The following MARCHF2 variants were observed in gnomAD, a reference collection of about 807,000 sequenced individuals.
MARCHF2 encodes the protein E3 ubiquitin-protein ligase MARCHF2.
MARCHF2 carries 22 observed loss-of-function variants against 24.0 expected under a neutral mutation model. The observed-to-expected ratio is 0.92, with a 90% CI of 0.66 to 1.31. MARCHF2 has a LOEUF of 1.31. MARCHF2 is among the 50% of genes most tolerant of loss of function. The pLI is 0.00. For synonymous variants in MARCHF2, 154 were observed against 153.0 expected (o/e 1.01, Z -0.05); for missense variants, 301 against 335.3 (o/e 0.90, Z 0.80).
At position 8,438,514 on chromosome 19, in the gene MARCHF2, C is replaced by T. The variant is rs779194684; in HGVS notation, c.709C>T (p.Leu237=). The T allele has an allele frequency of 5.1e-5, 82 of 1,613,994 alleles. No individual in the cohort carries two copies. In the Admixed American group the frequency reaches 1.4e-3, roughly 27 times the overall value. ...GCATTCTCCACTGGCAGCTGGACTC[C>T]TGAAGAAGGTGGCAGAGGAGACACC... ...PQHSPLAAGL[L]KKVAEETPV The change falls in exon 5 of 5, where the codon CTG becomes TTG. Residue 237 remains leucine (L), a synonymous_variant. Coordinates refer to ENST00000215555, the MANE Select transcript of MARCHF2 (RefSeq NM_001005415.2).
chr19:8,421,438 AG>A (rs1967240031), intron 1 of MARCHF2, among the ~76,000 whole-genome samples: 1 of 123,158 alleles, frequency 8.1e-6, no homozygotes, highest in South Asian at 2.5e-4. Flanking sequence ...CATGTTGGCC[AG>A]GATGGTCTTG....
intron 1 of MARCHF2, chr19:8,413,747 A>G (rs1967010111): frequency 6.6e-6 from 1 of 152,218 alleles, no homozygotes; most frequent in African/African-American, 2.4e-5. Flanking sequence ...CTAAGTGGCC[A>G]ATGCCCTTCC....
intron 4 of MARCHF2, among the ~76,000 whole-genome samples, chr19:8,437,278 C>T (rs2145575428): frequency 6.6e-6 from 1 of 151,818 alleles, no homozygotes; most frequent in Middle Eastern, 3.4e-3. Flanking sequence ...CCTTACCCAG[C>T]TTCGTTTCTT....
At chr19:8,424,016 A>C (rs1243291998) in intron 2 of MARCHF2, among the ~76,000 whole-genome samples, 3 of 151,824 alleles carry the variant, frequency 2.0e-5, no homozygotes, top group African/African-American at 7.3e-5. Context: ...AAGAAAAAAA[A>C]ATACAGTCTC....
At chr19:8,414,557 C>T (rs1444186713) in intron 1 of MARCHF2, among the ~76,000 whole-genome samples, 2 of 152,166 alleles carry the variant, frequency 1.3e-5, no homozygotes, top group African/African-American at 4.8e-5. Flanking sequence ...GGATTACAGG[C>T]GTGAGCCACT....
rs1207011080 is a variant in MARCHF2, at chr19:8,415,636, G to A, written c.-53+2216G>A. ...CTCTGGTGGTTGAGGCAGGAGAATC[G>A]CTTGAACCTGGGAGGCGGAGGTTGC... On this transcript the variant is annotated intron_variant, in intron 1 of 4. Coordinates refer to ENST00000215555, the MANE Select transcript of MARCHF2 (RefSeq NM_001005415.2). Among the ~76,000 whole-genome samples the A allele has an allele frequency of 2.8e-5, 4 of 141,950 alleles. No homozygotes were observed. The Admixed American group carries it at 3.0e-4, about 11-fold the overall frequency. 93.1% of individuals were successfully genotyped at this position (141,950 alleles called of 152,430 possible).
intron 2 of MARCHF2, among the ~76,000 whole-genome samples, chr19:8,422,719 T>G (rs1967283220): frequency 6.9e-6 from 1 of 145,426 alleles, no homozygotes; most frequent in Non-Finnish European, 1.5e-5. Flanking sequence ...TTTTTTTTTT[T>G]TTTTTTAGAG....
chr19:8,434,947 C>T (rs1967673943), intron 4 of MARCHF2, among the ~76,000 whole-genome samples: 2 of 151,922 alleles, frequency 1.3e-5, no homozygotes, highest in African/African-American at 4.8e-5. Context: ...CTCAGGTGAT[C>T]TGCCCACCTT....
intron 3 of MARCHF2, among the ~76,000 whole-genome samples, chr19:8,427,193 G>C (rs1256935802): frequency 6.6e-6 from 1 of 151,916 alleles, no homozygotes; most frequent in Non-Finnish European, 1.5e-5. Flanking sequence ...GATGACAGGC[G>C]TGCGCCACCA....
chr19:8,429,670 A>T (rs1273501272), intron 3 of MARCHF2, among the ~76,000 whole-genome samples: 2 of 151,024 alleles, frequency 1.3e-5, no homozygotes, highest in South Asian at 4.2e-4. Context: ...ACGCCCAGCT[A>T]ATTTTGTATT....
intron 4 of MARCHF2, among the ~76,000 whole-genome samples, chr19:8,436,778 C>T (rs1471670861): frequency 1.3e-5 from 2 of 151,400 alleles, no homozygotes; most frequent in South Asian, 2.1e-4. Context: ...CGCACCCCTC[C>T]CCCACAGGTT....
intron 2 of MARCHF2, among the ~76,000 whole-genome samples, chr19:8,425,527 T>A (rs928293481): frequency 6.6e-6 from 1 of 151,986 alleles, no homozygotes; most frequent in Non-Finnish European, 1.5e-5. Context: ...ATTACAAGCA[T>A]GAGCTACTGC....
chr19:8,435,828 C>CTGTG (rs35027764), intron 4 of MARCHF2, among the ~76,000 whole-genome samples: 38,626 of 140,938 alleles, frequency 0.27, 6,262 homozygotes, highest in Non-Finnish European at 0.35. Context: ...TGCACCTGGC[C>CTGTG]TGTGTGTGTG....
In MARCHF2 at chr19:8,430,770, G is replaced by A. The variant is rs751224345; in HGVS notation, c.485G>A (p.Gly162Glu). ...AAISGWLCLR[G>E]AQDHLRLHSQ... ...ATCTCAGGCTGGTTGTGCCTGCGCGGGGCCCAGGACCACCTCCGGCTCCAC... is the reference window on the plus strand; with the variant it reads ...ATCTCAGGCTGGTTGTGCCTGCGCGAGGCCCAGGACCACCTCCGGCTCCAC... Residue 162 changes from glycine (G) to glutamate (E), a missense_variant, in exon 4 of 5, where the codon GGG (glycine) becomes GAG (glutamate). By Grantham distance (98) the Gly-to-Glu change is moderately conservative (BLOSUM62 -2). Coordinates refer to ENST00000215555, the MANE Select transcript of MARCHF2 (RefSeq NM_001005415.2). The surrounding 1 kb of genome is among the most constrained non-coding windows in gnomAD (Gnocchi z 4.4). 1.9e-6 allele frequency: 3 copies of A among 1,611,316 alleles called. No homozygotes were observed. Among genetic ancestry groups the A allele is most frequent in the South Asian group, 1.1e-5 (1 of 91,082 alleles).
intron 1 of MARCHF2, chr19:8,413,886 A>G (rs1967012954): frequency 6.6e-6 from 1 of 152,250 alleles, no homozygotes; most frequent in African/African-American, 2.4e-5. Context: ...GGGGTAGTCA[A>G]ATGGGCATGT....
chr19:8,430,617 C>T lies in MARCHF2; in HGVS notation c.373-41C>T. On this transcript the variant is annotated intron_variant, in intron 3 of 4. Coordinates refer to ENST00000215555, the MANE Select transcript of MARCHF2 (RefSeq NM_001005415.2). The surrounding 1 kb of genome is among the most constrained non-coding windows in gnomAD (Gnocchi z 4.4). ...TACCCCTCCCCCTCAGTAGCCCCTT[C>T]TCTGCCCCCTCTCCTCTGCCCCCTA... 1 of 1,556,774 alleles carries T rather than the reference C, an allele frequency of 6.4e-7. No homozygotes were observed. Among genetic ancestry groups the T allele is most frequent in the South Asian group, 1.1e-5 (1 of 90,050 alleles).
chr19:8,428,865 G>A (rs1967494993), intron 3 of MARCHF2, among the ~76,000 whole-genome samples: 1 of 151,680 alleles, frequency 6.6e-6, no homozygotes, highest in African/African-American at 2.4e-5. Context: ...AACCCGGAAG[G>A]CGGAGGTTGC....
intron 2 of MARCHF2, chr19:8,423,828 C>T (rs941663220): frequency 4.0e-5 from 6 of 151,788 alleles, no homozygotes; most frequent in Non-Finnish European, 7.3e-5. Context: ...AGTGAGACCC[C>T]CCTCTCTAGA....
At chr19:8,413,731 C>G (rs187830773) in intron 1 of MARCHF2, 11 of 152,382 alleles carry the variant, frequency 7.2e-5, no homozygotes, top group Admixed American at 7.2e-4. Flanking sequence ...ACACAGTAGG[C>G]AACTGCTAAG....
Sources: allele counts gnomAD v4.1 joint callset (sites outside exome capture counted in the v4.1 genomes callset), GRCh38; gene constraint gnomAD v4.1.1; non-coding constraint Gnocchi (gnomAD v3.1); transcripts MANE v1.5; gene names NCBI Gene and HGNC (gene_info 2026-07-23, HGNC 2026-07-21).